AVL9: variants seen among roughly 807,000 people sequenced by gnomAD.
AVL9 encodes the protein late secretory pathway protein AVL9 homolog.
A neutral mutation model predicts 79.2 loss-of-function variants in AVL9; 49 were observed. The observed-to-expected ratio is 0.62, with a 90% confidence interval of 0.49 to 0.79. AVL9 has a LOEUF of 0.79. AVL9 is among the 30% of genes least tolerant of loss of function. The pLI is 0.00. For synonymous variants in AVL9, 299 were observed against 280.6 expected, an observed-to-expected ratio of 1.07 and a Z score of -0.65; for missense variants, 682 against 776.8, an observed-to-expected ratio of 0.88 and a Z score of 1.45.
At chr7:32,533,672 T>G (rs750549950) in intron 1 of AVL9, 6 of 152,206 alleles carry the variant, frequency 3.9e-5, no homozygotes, top group African/African-American at 7.2e-5. Context: ...GCCTAAAATA[T>G]TATGACTATT....
At chr7:32,520,995 T>C (rs184080523) in intron 1 of AVL9, among the ~76,000 whole-genome samples, 3 of 152,234 alleles carry the variant, frequency 2.0e-5, no homozygotes, top group South Asian at 4.1e-4. Flanking sequence ...GGTTTCTGCT[T>C]TTGCTCCTTC....
At position 32,559,175 on chromosome 7, in the gene AVL9, C is replaced by A. The variant is rs777303191; in HGVS notation, c.926C>A (p.Pro309His). 3.0e-5 allele frequency: 48 copies of A among 1,613,954 alleles called. No individual in the cohort carries two copies. In the Admixed American group the frequency reaches 7.8e-4, roughly 26 times the overall value. Reference protein sequence around the residue: ...QVEDSSKGQEPNDTNQYLKPP... With the variant: ...QVEDSSKGQEHNDTNQYLKPP... ...GAAGACAGCAGCAAAGGGCAGGAAC[C>A]CAATGATACCAATCAATATTTGAAA... Residue 309 changes from proline to histidine, a missense_variant, in exon 10 of 16, where the codon CCC becomes CAC. Coordinates refer to ENST00000318709, the MANE Select transcript of AVL9 (RefSeq NM_015060.3).
intron 9 of AVL9, 90 bp from the exon 10 acceptor site, chr7:32,558,839 A>T: frequency 8.1e-7 from 1 of 1,237,024 alleles, no homozygotes; most frequent in Non-Finnish European, 1.1e-6. Context: ...ATAGCTTATT[A>T]AATTTTATAG....
chr7:32,573,067 C>A, intron 11 of AVL9, 132 bp from the exon 12 acceptor site: 1 of 659,600 alleles, frequency 1.5e-6, no homozygotes, highest in Non-Finnish European at 2.6e-6. Flanking sequence ...CTTTCTTAGA[C>A]TCACCTTTTG....
rs149731136 is a variant in AVL9 at position 32,553,738 on chromosome 7, C to G, written c.541C>G (p.Arg181Gly). ...GSQVYLGLSPRDLVLHFRHKV... is the reference protein window; with the variant it reads ...GSQVYLGLSPGDLVLHFRHKV... ...TGTTAACATTGTAGGTCTGTCACCT[C>G]GAGATCTTGTCCTTCATTTTCGACA... The change falls in exon 7 of 16, where the codon CGA (arginine) becomes GGA (glycine). Residue 181 changes from arginine to glycine, a missense_variant. Coordinates refer to ENST00000318709, the MANE Select transcript of AVL9 (RefSeq NM_015060.3). 1.2e-6 allele frequency: 2 copies of G among 1,609,386 alleles called. No individual in the cohort carries two copies. The highest frequency in any genetic ancestry group is 2.2e-5 in the East Asian group (1 of 44,796).
At chr7:32,537,909 GAA>G (rs1788990394) in intron 1 of AVL9, 2 of 152,328 alleles carry the variant, frequency 1.3e-5, no homozygotes, top group African/African-American at 4.8e-5. Flanking sequence ...TGCAATTTAT[GAA>G]AGAGTTGTGT....
At chr7:32,568,924 A>G (rs769149539) in intron 10 of AVL9, among the ~76,000 whole-genome samples, 5 of 152,346 alleles carry the variant, frequency 3.3e-5, no homozygotes, top group South Asian at 2.1e-4. Flanking sequence ...CAAGCAACAA[A>G]AGACATTTTC....
At chr7:32,518,358 T>G (rs1186694034) in intron 1 of AVL9, among the ~76,000 whole-genome samples, 1 of 152,170 alleles carries the variant, frequency 6.6e-6, no homozygotes, top group East Asian at 1.9e-4. Flanking sequence ...ATTAGTTAAA[T>G]GTAATGGAAT....
intron 10 of AVL9, among the ~76,000 whole-genome samples, chr7:32,562,024 A>G (rs1484686585): frequency 6.6e-5 from 10 of 152,208 alleles, no homozygotes; most frequent in Admixed American, 6.5e-4. Flanking sequence ...TGTCACTCAA[A>G]ACAATTACAA....
intron 1 of AVL9, among the ~76,000 whole-genome samples, chr7:32,505,590 G>C (rs926552125): frequency 6.6e-6 from 1 of 151,540 alleles, no homozygotes; most frequent in Non-Finnish European, 1.5e-5. Flanking sequence ...ACATTCTTTA[G>C]TACTTTTGAA....
intron 15 of AVL9, chr7:32,581,473 T>A (rs1286335067): frequency 6.6e-6 from 1 of 152,166 alleles, no homozygotes; most frequent in Non-Finnish European, 1.5e-5. Flanking sequence ...AATATACAAA[T>A]TTTTTTAAAG....
At chr7:32,578,669 T>C (rs1993051) in intron 13 of AVL9, among the ~76,000 whole-genome samples, 127,802 of 151,814 alleles carry the variant, frequency 0.84, 53,826 homozygotes, top group Middle Eastern at 0.88. Flanking sequence ...AGTAGCCGGG[T>C]GTGGTGGTAC....
intron 10 of AVL9, among the ~76,000 whole-genome samples, chr7:32,567,116 T>C (rs1214701613): frequency 6.6e-6 from 1 of 152,220 alleles, no homozygotes; most frequent in Admixed American, 6.5e-5. Context: ...TGTTTGTTTG[T>C]TTTTGAGATA....
intron 3 of AVL9, among the ~76,000 whole-genome samples, chr7:32,545,018 A>C (rs113289470): frequency 9.2e-5 from 14 of 152,258 alleles, no homozygotes; most frequent in Non-Finnish European, 1.5e-4. Context: ...ATAGTGATAC[A>C]TAAATTATCT....
chr7:32,549,939 G>A (rs1374195430), intron 4 of AVL9, among the ~76,000 whole-genome samples: 5 of 149,842 alleles, frequency 3.3e-5, no homozygotes, highest in African/African-American at 1.2e-4. Context: ...AAGAAAGAAA[G>A]AAAAAAAAGA....
intron 11 of AVL9, among the ~76,000 whole-genome samples, chr7:32,571,456 T>A (rs1487484636): frequency 1.4e-5 from 2 of 147,936 alleles, no homozygotes; most frequent in African/African-American, 5.0e-5. Flanking sequence ...TGAACCCGGG[T>A]GGTAGAGGTT....
chr7:32,523,251 A>T (rs1788246957), intron 1 of AVL9, among the ~76,000 whole-genome samples: 1 of 149,024 alleles, frequency 6.7e-6, no homozygotes, highest in South Asian at 2.1e-4. Flanking sequence ...CATTTGCCCC[A>T]GATTGGAAGA....
At chr7:32,521,186 G>T (rs1378580567) in intron 1 of AVL9, among the ~76,000 whole-genome samples, 1 of 152,080 alleles carries the variant, frequency 6.6e-6, no homozygotes, top group Non-Finnish European at 1.5e-5. Context: ...TGGTAGAGTG[G>T]GGCACTGCTG....
intron 15 of AVL9, 138 bp from the exon 16 acceptor site, chr7:32,583,653 TG>T (rs1267355013): frequency 3.6e-6 from 2 of 555,740 alleles, no homozygotes. Flanking sequence ...CACTCCAGCC[TG>T]GGCGACAGAG....
Sources: gnomAD v4.1 joint callset for allele counts (sites outside exome capture counted in the v4.1 genomes callset) on GRCh38, gnomAD v4.1.1 for gene constraint, MANE v1.5 for transcripts, NCBI Gene and HGNC (gene_info 2026-07-23, HGNC 2026-07-21) for gene names.